ATG10: variants seen among roughly 807,000 people sequenced by gnomAD.
ATG10 encodes the protein autophagy related 10.
ATG10 carries 30 observed loss-of-function variants against 32.1 expected under a neutral mutation model. The ratio of observed to expected loss-of-function variants is 0.94; its 90% confidence interval spans 0.70 to 1.27. The LOEUF (loss-of-function observed/expected upper bound fraction) is 1.27, where lower values mean the gene tolerates loss of function less well. Ranked by LOEUF, ATG10 falls within the 50% of genes most tolerant of loss-of-function variation. ATG10 has a pLI of 0.00. For synonymous variants in ATG10, 87 were observed against 91.5 expected, an observed-to-expected ratio of 0.95 and a Z score of 0.28; for missense variants, 233 against 262.3, an observed-to-expected ratio of 0.89 and a Z score of 0.77.
intron 1 of ATG10, among the ~76,000 whole-genome samples, chr5:81,985,939 T>A (rs1227078787): frequency 6.6e-6 from 1 of 152,034 alleles, no homozygotes; most frequent in African/African-American, 2.4e-5. Flanking sequence ...ATTTTTTGTA[T>A]TTTTTAGTAG....
At chr5:82,220,355 C>T (rs1424191201) in intron 5 of ATG10, among the ~76,000 whole-genome samples, 1 of 151,072 alleles carries the variant, frequency 6.6e-6, no homozygotes, top group East Asian at 2.0e-4. Context: ...CTCTGCCTCC[C>T]GGGTTCACGC....
chr5:82,252,551 G>A lies in ATG10; in HGVS notation c.454-11G>A. ...CTCACACTGATCCTGGACCAATTCT[G>A]ATTCTTACAGGAACATCCAATACTT... On this transcript the variant is annotated splice_polypyrimidine_tract_variant and intron_variant, in intron 5 of 7. Transcript: ENST00000282185. 2 of 1,564,180 alleles carry A rather than the reference G, an allele frequency of 1.3e-6. No homozygotes were observed. The highest frequency in any genetic ancestry group is 1.8e-6 in the Non-Finnish European group (2 of 1,137,812).
intron 5 of ATG10, among the ~76,000 whole-genome samples, chr5:82,197,245 T>A (rs1744890203): frequency 2.0e-5 from 3 of 152,188 alleles, no homozygotes; most frequent in African/African-American, 7.2e-5. Flanking sequence ...TTTTTTTGTA[T>A]CCTGTAACCT....
chr5:82,133,106 G>C (rs1388132297), intron 3 of ATG10, among the ~76,000 whole-genome samples: 1 of 152,100 alleles, frequency 6.6e-6, no homozygotes, highest in African/African-American at 2.4e-5. Flanking sequence ...TTGTAAATTT[G>C]TTTAAGTTCT....
chr5:82,252,723 G>A (rs1477441698), intron 6 of ATG10, 64 bp downstream of exon 6: 2 of 947,956 alleles, frequency 2.1e-6, no homozygotes, highest in African/African-American at 3.4e-5. Context: ...ATCTTTTTAT[G>A]TGACTCTAAA....
intron 2 of ATG10, among the ~76,000 whole-genome samples, chr5:82,040,695 A>C (rs1474720932): frequency 6.6e-6 from 1 of 152,236 alleles, no homozygotes; most frequent in Admixed American, 6.5e-5. Context: ...ATTAAATTAC[A>C]GATTTTTTTC....
Position 82,011,548 on chromosome 5 carries a change from C to T in ATG10, c.108+23870C>T, listed in dbSNP as rs115666483. The stretch of plus-strand genomic sequence containing the variant: ...ATAGTTCAGTCTCCTTAGCTAAGCA[C>T]GCAAAACTCTTGCTTAAAAAAGATT... On this transcript the variant is annotated intron_variant, in intron 2 of 7. Coordinates refer to ENST00000282185, the MANE Select transcript of ATG10 (RefSeq NM_031482.5). Among the ~76,000 whole-genome samples, 969 of 152,284 alleles carry T rather than the reference C, an allele frequency of 6.4e-3. 8 individuals are homozygous for T. Among genetic ancestry groups the T allele is most frequent in the African/African-American group, 0.021 (882 of 41,544 alleles).
At chr5:82,167,429 A>G (rs1743626370) in intron 4 of ATG10, among the ~76,000 whole-genome samples, 1 of 152,212 alleles carries the variant, frequency 6.6e-6, no homozygotes, top group African/African-American at 2.4e-5. Flanking sequence ...AGCATCAAGT[A>G]TTTGTTAAGT....
intron 2 of ATG10, among the ~76,000 whole-genome samples, chr5:82,004,645 T>TG: frequency 6.6e-6 from 1 of 152,202 alleles, no homozygotes; most frequent in East Asian, 1.9e-4. Context: ...CAGCAACCAG[T>TG]AAGTGGTCCT....
chr5:82,005,901 C>G (rs1761976131), intron 2 of ATG10, among the ~76,000 whole-genome samples: 1 of 151,932 alleles, frequency 6.6e-6, no homozygotes, highest in African/African-American at 2.4e-5. Flanking sequence ...ATTAAAGAGC[C>G]TCTTCTCTCT....
At chr5:81,987,740 G>T (rs1761332137) in intron 2 of ATG10, 62 bp downstream of exon 2, 4 of 1,324,808 alleles carry the variant, frequency 3.0e-6, no homozygotes, top group Non-Finnish European at 4.3e-6. Flanking sequence ...TTTTGTTTTG[G>T]TTTGTTGACA....
intron 5 of ATG10, among the ~76,000 whole-genome samples, chr5:82,206,666 A>AT (rs1378258364): frequency 6.6e-6 from 1 of 151,852 alleles, no homozygotes; most frequent in African/African-American, 2.4e-5. Context: ...AAAAAAAAAA[A>AT]TTCTTATTGA....
At chr5:82,120,615 A>G (rs750896263) in intron 3 of ATG10, among the ~76,000 whole-genome samples, 2 of 152,088 alleles carry the variant, frequency 1.3e-5, no homozygotes, top group Non-Finnish European at 2.9e-5. Context: ...TTTTGATGAT[A>G]GTTAAGAGGA....
chr5:82,059,405 CACT>C lies in ATG10; in HGVS notation c.216+804_216+806del, dbSNP rs76258700. Reference sequence around the variant, plus strand: ...TCTATCATATACACACACACACACACACTTTTTTTTTTTTTTGCAATGAACAAG... The same window carrying C: ...TCTATCATATACACACACACACACACTTTTTTTTTTTTTGCAATGAACAAG... On this transcript the variant is annotated intron_variant, in intron 3 of 7. Transcript: ENST00000282185. 8.0e-3 allele frequency among the ~76,000 whole-genome samples: 1,148 copies of C among 143,006 alleles called. 2 individuals are homozygous for C. The highest frequency in any genetic ancestry group is 0.018 in the Middle Eastern group (5 of 274). The allele number at this position is 143,006 out of a possible 152,430, so 93.8% of individuals were successfully genotyped here.
intron 3 of ATG10, among the ~76,000 whole-genome samples, chr5:82,115,462 A>G (rs1200643327): frequency 2.0e-5 from 3 of 152,098 alleles, no homozygotes; most frequent in Non-Finnish European, 4.4e-5. Context: ...CTGCTTTTAT[A>G]CTTTTGTATG....
At chr5:82,233,174 T>C (rs1746431665) in intron 5 of ATG10, among the ~76,000 whole-genome samples, 1 of 152,254 alleles carries the variant, frequency 6.6e-6, no homozygotes, top group Non-Finnish European at 1.5e-5. Context: ...ATACATTCAC[T>C]TTCTAGTTTT....
At chr5:82,157,991 T>C (rs1017649543) in intron 3 of ATG10, among the ~76,000 whole-genome samples, 1 of 152,214 alleles carries the variant, frequency 6.6e-6, no homozygotes, top group Non-Finnish European at 1.5e-5. Context: ...TTCTTCCTTC[T>C]CTGTAGGCTA....
At chr5:82,139,479 C>T (rs1219249425) in intron 3 of ATG10, among the ~76,000 whole-genome samples, 5 of 133,286 alleles carry the variant, frequency 3.8e-5, no homozygotes, top group Non-Finnish European at 4.9e-5. Context: ...ATGTGGGGAG[C>T]GCCTCTGCCC....
At chr5:82,101,931 TTAG>T (rs1765287822) in intron 3 of ATG10, among the ~76,000 whole-genome samples, 1 of 152,350 alleles carries the variant, frequency 6.6e-6, no homozygotes, top group East Asian at 1.9e-4. Context: ...AAGTGAACAC[TTAG>T]TACACAAGTC....
Sources: allele counts gnomAD v4.1 joint callset (sites outside exome capture counted in the v4.1 genomes callset), GRCh38; gene constraint gnomAD v4.1.1; transcripts MANE v1.5; gene names NCBI Gene and HGNC (gene_info 2026-07-23, HGNC 2026-07-21).